Variants in NWD2 observed in about 807,000 individuals in gnomAD.
NWD2 encodes NACHT and WD repeat domain-containing protein 2.
A neutral mutation model predicts 132.7 loss-of-function variants in NWD2; 37 were observed. That is an observed-to-expected ratio of 0.28 (90% CI 0.21 to 0.37). NWD2 has a LOEUF of 0.37. Among genes scored for constraint, NWD2 ranks in the 10% least tolerant of loss-of-function variants. NWD2 has a pLI of 1.00. For synonymous variants in NWD2, 705 were observed against 803.0 expected (o/e 0.88, Z 2.06); for missense variants, 1,592 against 2,122.4 (o/e 0.75, Z 4.91).
At chr4:37,278,627 A>G (rs1051784521) in intron 1 of NWD2, among the ~76,000 whole-genome samples, 1 of 152,194 alleles carries the variant, frequency 6.6e-6, no homozygotes, top group African/African-American at 2.4e-5. Flanking sequence ...CTTGAAATGC[A>G]TTGCTGCATT....
At chr4:37,395,592 A>AAAAAAAAAAAAC in intron 3 of NWD2, among the ~76,000 whole-genome samples, 1 of 143,696 alleles carries the variant, frequency 7.0e-6, no homozygotes, top group Non-Finnish European at 1.5e-5. Context: ...CTCAAAAAAA[A>AAAAAAAAAAAAC]AAAAAAAAAA....
At chr4:37,362,857 C>A (rs1379166305) in intron 3 of NWD2, among the ~76,000 whole-genome samples, 2 of 152,168 alleles carry the variant, frequency 1.3e-5, no homozygotes, top group Non-Finnish European at 2.9e-5. Flanking sequence ...AAGAAACTAT[C>A]AGCAGAGTGA....
At position 37,445,993 on chromosome 4, in the gene NWD2, T is replaced by C. The variant is rs1712625108; in HGVS notation, c.4005T>C (p.Asp1335=). Residue 1335 remains aspartate, a synonymous_variant, in exon 7 of 7, where the codon GAT becomes GAC. Coordinates refer to ENST00000309447, the MANE Select transcript of NWD2 (RefSeq NM_001144990.2). This position sits in a 1 kb window ranked among gnomAD's most constrained non-coding sequence, Gnocchi z 4.7. ...PARGEIIYSL[D]GSDCVHKWNF... Reference sequence around the variant, plus strand: ...GAGGGGAAATCATTTACTCCCTGGATGGATCCGATTGTGTTCATAAGTGGA... The same window carrying C: ...GAGGGGAAATCATTTACTCCCTGGACGGATCCGATTGTGTTCATAAGTGGA... 6.4e-7 allele frequency: 1 copy of C among 1,551,606 alleles called. No homozygotes were observed. Among genetic ancestry groups the C allele is most frequent in the South Asian group, 1.2e-5 (1 of 84,064 alleles).
At chr4:37,326,774 A>G (rs17603641) in intron 2 of NWD2, among the ~76,000 whole-genome samples, 17,355 of 152,222 alleles carry the variant, frequency 0.11, 1,090 homozygotes, top group East Asian at 0.19. Flanking sequence ...ACACATTTAC[A>G]TTGTCAAGTG....
At position 37,421,332 on chromosome 4, in the gene NWD2, G is replaced by T. The variant is rs184632269; in HGVS notation, c.358-9240G>T. On this transcript the variant is annotated intron_variant, in intron 3 of 6. Transcript: ENST00000309447. ...GTAAGCTAAGAGCAAACTCCGGAAT[G>T]GCTCCATTTCATGTGACTCTGTTAT... 4.6e-5 allele frequency among the ~76,000 whole-genome samples: 7 copies of T among 152,318 alleles called. No individual in the cohort carries two copies. In the East Asian group the frequency reaches 1.2e-3, roughly 25 times the overall value.
At chr4:37,383,861 TCTGTCTTTGGTTTTCA>T (rs1451263779) in intron 3 of NWD2, among the ~76,000 whole-genome samples, 1 of 152,194 alleles carries the variant, frequency 6.6e-6, no homozygotes, top group East Asian at 1.9e-4. Context: ...GATCCTGCCC[TCTGTCTTTGGTTTTCA>T]CTGGGCCCAG....
intron 1 of NWD2, among the ~76,000 whole-genome samples, chr4:37,304,351 C>G (rs1365465599): frequency 6.6e-6 from 1 of 151,616 alleles, no homozygotes; most frequent in Non-Finnish European, 1.5e-5. Context: ...CAGAGCCAAA[C>G]CATATTATTC....
At chr4:37,321,780 A>G (rs1719074780) in intron 1 of NWD2, among the ~76,000 whole-genome samples, 1 of 152,164 alleles carries the variant, frequency 6.6e-6, no homozygotes, top group Non-Finnish European at 1.5e-5. Context: ...TTCAGAGCCA[A>G]TCATATATTA....
intron 1 of NWD2, among the ~76,000 whole-genome samples, chr4:37,279,148 T>C (rs1031675361): frequency 7.2e-5 from 11 of 152,210 alleles, no homozygotes; most frequent in African/African-American, 2.7e-4. Context: ...CAAGTTCCTT[T>C]ATTTATTCAC....
chr4:37,308,213 G>A (rs576981371), intron 1 of NWD2, among the ~76,000 whole-genome samples: 1 of 152,164 alleles, frequency 6.6e-6, no homozygotes, highest in African/African-American at 2.4e-5. Flanking sequence ...TGCACATCTG[G>A]TAGAACAGTC....
At chr4:37,351,151 T>G (rs1719752480) in intron 2 of NWD2, among the ~76,000 whole-genome samples, 1 of 152,196 alleles carries the variant, frequency 6.6e-6, no homozygotes, top group African/African-American at 2.4e-5. Context: ...CTTTTTTTGT[T>G]GTGTCTCTGC....
intron 3 of NWD2, among the ~76,000 whole-genome samples, chr4:37,403,026 T>C (rs748617731): frequency 5.3e-5 from 8 of 152,318 alleles, no homozygotes; most frequent in Admixed American, 1.3e-4. Flanking sequence ...GGCAGCTCAC[T>C]TCTTCCTAAT....
At chr4:37,377,742 A>G (rs1417777111) in intron 3 of NWD2, among the ~76,000 whole-genome samples, 1 of 152,242 alleles carries the variant, frequency 6.6e-6, no homozygotes, top group African/African-American at 2.4e-5. Context: ...AAAAAAAAGA[A>G]AAGTTCAGGA....
At chr4:37,303,831 A>G (rs1199991310) in intron 1 of NWD2, among the ~76,000 whole-genome samples, 1 of 152,138 alleles carries the variant, frequency 6.6e-6, no homozygotes, top group African/African-American at 2.4e-5. Flanking sequence ...GTTATTTAAT[A>G]GAGTTTTTTG....
intron 3 of NWD2, among the ~76,000 whole-genome samples, chr4:37,392,583 A>G (rs1187050019): frequency 6.6e-6 from 1 of 152,166 alleles, no homozygotes; most frequent in African/African-American, 2.4e-5. Context: ...ATTGAGAATC[A>G]CTGGTGTAGA....
intron 1 of NWD2, among the ~76,000 whole-genome samples, chr4:37,311,308 T>G (rs141395627): frequency 0.15 from 23,528 of 152,092 alleles, 2,331 homozygotes; most frequent in South Asian, 0.33. Context: ...GTTTCCTGAC[T>G]TTTTAATGAT....
chr4:37,261,874 T>C (rs1038653102), intron 1 of NWD2, among the ~76,000 whole-genome samples: 2 of 152,140 alleles, frequency 1.3e-5, no homozygotes, highest in African/African-American at 4.8e-5. Flanking sequence ...TGAACAGAGA[T>C]GCTAACAGTA....
intron 1 of NWD2, among the ~76,000 whole-genome samples, chr4:37,285,962 T>C (rs1208310773): frequency 6.6e-6 from 1 of 152,234 alleles, no homozygotes; most frequent in East Asian, 1.9e-4. Context: ...TTGAAGCAAC[T>C]TGGTGTTAGA....
intron 1 of NWD2, among the ~76,000 whole-genome samples, chr4:37,292,252 A>G (rs1460126111): frequency 6.6e-6 from 1 of 152,070 alleles, no homozygotes; most frequent in Admixed American, 6.5e-5. Flanking sequence ...CAAAATTTAT[A>G]TGTTGAAAAT....
Sources: allele counts gnomAD v4.1 joint callset (sites outside exome capture counted in the v4.1 genomes callset), GRCh38; gene constraint gnomAD v4.1.1; non-coding constraint Gnocchi (gnomAD v3.1); transcripts MANE v1.5; gene names NCBI Gene and HGNC (gene_info 2026-07-23, HGNC 2026-07-21).